Variants in FBXL7 observed in about 807,000 individuals in gnomAD.
FBXL7 encodes F-box/LRR-repeat protein 7.
Under a neutral mutation model 38.3 loss-of-function variants are expected in FBXL7, and 12 were observed. That is an observed-to-expected ratio of 0.31 (90% CI 0.20 to 0.51). The LOEUF (loss-of-function observed/expected upper bound fraction) is 0.51, where lower values mean the gene tolerates loss of function less well. Ranked by LOEUF, FBXL7 falls within the 20% of genes least tolerant of loss-of-function variation. The pLI is 0.98. For synonymous variants in FBXL7, 297 were observed against 300.9 expected (o/e 0.99, Z 0.13); for missense variants, 567 against 676.4 (o/e 0.84, Z 1.79).
chr5:15,923,661 T>C (rs959304995), intron 2 of FBXL7, among the ~76,000 whole-genome samples: 1 of 152,228 alleles, frequency 6.6e-6, no homozygotes, highest in Non-Finnish European at 1.5e-5. Flanking sequence ...TATCAGGTAC[T>C]ATTTATTTAA....
At chr5:15,798,852 T>C (rs180852135) in intron 2 of FBXL7, among the ~76,000 whole-genome samples, 4 of 152,286 alleles carry the variant, frequency 2.6e-5, no homozygotes, top group Non-Finnish European at 5.9e-5. Context: ...GATTCATTTT[T>C]TTTCTAACTT....
At chr5:15,811,128 A>T (rs1261044748) in intron 2 of FBXL7, among the ~76,000 whole-genome samples, 1 of 152,168 alleles carries the variant, frequency 6.6e-6, no homozygotes, top group African/African-American at 2.4e-5. Context: ...CAAAAGTGAG[A>T]TAGGCATGGG....
intron 2 of FBXL7, among the ~76,000 whole-genome samples, chr5:15,853,939 C>A (rs938539895): frequency 6.6e-6 from 1 of 152,156 alleles, no homozygotes; most frequent in Non-Finnish European, 1.5e-5. Flanking sequence ...GATATTTGAT[C>A]TTTGCAAGTC....
Position 15,928,028 on chromosome 5 carries a change from A to AGGGGGGGGGGGCGGGGGGGGGGG in FBXL7, c.266_267insGGGGGGGGGGGCGGGGGGGGGGG (p.His89GlnfsTer34). On this transcript the variant is annotated frameshift_variant, in exon 3 of 4. Coordinates refer to ENST00000504595, the MANE Select transcript of FBXL7 (RefSeq NM_012304.5). LOFTEE classifies it high-confidence loss of function. This position sits in a 1 kb window ranked among gnomAD's most constrained non-coding sequence, Gnocchi z 4.0. ...ACCGGGGAGACGGTGGCCATGGTGCACTCCCCGCCCCCGACCCGCCTCACA... is the reference window on the plus strand; with the variant it reads ...ACCGGGGAGACGGTGGCCATGGTGCAGGGGGGGGGGGCGGGGGGGGGGGCTCCCCGCCCCCGACCCGCCTCACA... 1 of 1,323,732 alleles carries AGGGGGGGGGGGCGGGGGGGGGGG rather than the reference A, an allele frequency of 7.6e-7. No homozygotes were observed. Among genetic ancestry groups the AGGGGGGGGGGGCGGGGGGGGGGG allele is most frequent in the Non-Finnish European group, 1.1e-6 (1 of 951,382 alleles). 82.0% of individuals were successfully genotyped at this position (1,323,732 alleles called of 1,614,324 possible).
intron 1 of FBXL7, among the ~76,000 whole-genome samples, chr5:15,591,622 G>C (rs1188880149): frequency 6.6e-6 from 1 of 152,146 alleles, no homozygotes; most frequent in Non-Finnish European, 1.5e-5. Flanking sequence ...AATTGGCAGG[G>C]ACAGGAGCTC....
chr5:15,676,697 G>A (rs1462572677), intron 2 of FBXL7, among the ~76,000 whole-genome samples: 1 of 152,162 alleles, frequency 6.6e-6, no homozygotes, highest in African/African-American at 2.4e-5. Flanking sequence ...ACAAGAGCAG[G>A]GCCATAGGTG....
intron 2 of FBXL7, among the ~76,000 whole-genome samples, chr5:15,809,554 T>C (rs1479102976): frequency 6.6e-6 from 1 of 152,168 alleles, no homozygotes; most frequent in Non-Finnish European, 1.5e-5. Context: ...TATTAGCCTT[T>C]AGTATTATCA....
chr5:15,872,466 A>G (rs1740008705), intron 2 of FBXL7, among the ~76,000 whole-genome samples: 1 of 152,190 alleles, frequency 6.6e-6, no homozygotes. Flanking sequence ...TAAATTCCCC[A>G]ATTAAAAGGC....
chr5:15,577,594 T>TTTG (rs1448188780), intron 1 of FBXL7, among the ~76,000 whole-genome samples: 2 of 147,568 alleles, frequency 1.4e-5, no homozygotes, highest in Non-Finnish European at 3.0e-5. Context: ...GTAATGCATT[T>TTTG]TGTGTGTGTG....
At chr5:15,584,563 C>A (rs1739248448) in intron 1 of FBXL7, among the ~76,000 whole-genome samples, 1 of 152,212 alleles carries the variant, frequency 6.6e-6, no homozygotes, top group African/African-American at 2.4e-5. Flanking sequence ...TTGTCTACAT[C>A]ACTATCAGCA....
intron 1 of FBXL7, among the ~76,000 whole-genome samples, chr5:15,571,152 C>T (rs1233784657): frequency 6.7e-6 from 1 of 149,528 alleles, no homozygotes; most frequent in Non-Finnish European, 1.5e-5. Context: ...AGCAGCTAAA[C>T]ATCCTTGTTC....
rs549142511 is a variant in FBXL7, at chr5:15,527,217, G to A, written c.37+26504G>A. Among the ~76,000 whole-genome samples, 7 of 152,230 alleles carry A rather than the reference G, an allele frequency of 4.6e-5. No homozygotes were observed. In the South Asian group the frequency reaches 6.2e-4, roughly 14 times the overall value. ...TGAGATTCTTGTTAAGTAAGCATTC[G>A]TCAGTAATGTCAGGTATAATAAGAC... On this transcript the variant is annotated intron_variant, in intron 1 of 3. Coordinates refer to ENST00000504595, the MANE Select transcript of FBXL7 (RefSeq NM_012304.5).
chr5:15,765,481 T>C (rs999698433), intron 2 of FBXL7, among the ~76,000 whole-genome samples: 1 of 152,172 alleles, frequency 6.6e-6, no homozygotes, highest in African/African-American at 2.4e-5. Flanking sequence ...GCCAGTGTGT[T>C]ATGACACCAG....
chr5:15,778,345 A>C (rs1267930492), intron 2 of FBXL7, among the ~76,000 whole-genome samples: 1 of 152,094 alleles, frequency 6.6e-6, no homozygotes, highest in African/African-American at 2.4e-5. Context: ...TTCTATCTCA[A>C]ATTTCCTGCT....
At chr5:15,900,236 A>T (rs1288542648) in intron 2 of FBXL7, among the ~76,000 whole-genome samples, 1 of 152,226 alleles carries the variant, frequency 6.6e-6, no homozygotes, top group Non-Finnish European at 1.5e-5. Context: ...ACAGGACAGC[A>T]TCTCTAAAAA....
At chr5:15,619,092 C>G (rs1580411445) in intron 2 of FBXL7, among the ~76,000 whole-genome samples, 1 of 152,138 alleles carries the variant, frequency 6.6e-6, no homozygotes, top group African/African-American at 2.4e-5. Flanking sequence ...CCTGCATGCG[C>G]GGAGCCCTCT....
In FBXL7 at chr5:15,626,543, C is replaced by CGTGTGT. The variant is rs1554010324; in HGVS notation, c.127+10471_127+10472insGTGTGT. On this transcript the variant is annotated intron_variant, in intron 2 of 3. Transcript: ENST00000504595. ...GATAGTCTTAGAAGAAAATTCGTTT[C>CGTGTGT]CTGTGTGTGTGTGTGTGTGTGTGTG... Among the ~76,000 whole-genome samples the CGTGTGT allele has an allele frequency of 7.5e-3, 779 of 103,662 alleles. 10 individuals are homozygous for CGTGTGT. The highest frequency in any genetic ancestry group is 0.025 in the African/African-American group (725 of 29,178). The allele number at this position is 103,662 out of a possible 152,430, so 68.0% of individuals were successfully genotyped here.
At chr5:15,843,144 T>C (rs989202049) in intron 2 of FBXL7, among the ~76,000 whole-genome samples, 32 of 152,382 alleles carry the variant, frequency 2.1e-4, no homozygotes, top group African/African-American at 7.7e-4. Context: ...ATTTTCTACA[T>C]ATGTATAGTG....
chr5:15,759,823 G>A (rs757135635), intron 2 of FBXL7, among the ~76,000 whole-genome samples: 14 of 152,168 alleles, frequency 9.2e-5, no homozygotes, highest in Non-Finnish European at 1.8e-4. Flanking sequence ...TCCATTGCAT[G>A]CTGGTGTCTG....
Sources: allele counts gnomAD v4.1 joint callset (sites outside exome capture counted in the v4.1 genomes callset), GRCh38; gene constraint gnomAD v4.1.1; non-coding constraint Gnocchi (gnomAD v3.1); transcripts MANE v1.5; gene names NCBI Gene and HGNC (gene_info 2026-07-23, HGNC 2026-07-21).